Variants in DACH2 observed in about 807,000 individuals in gnomAD.
DACH2 encodes the protein dachshund family transcription factor 2.
Under a neutral mutation model 35.8 loss-of-function variants are expected in DACH2, and 17 were observed. The ratio of observed to expected loss-of-function variants is 0.48; its 90% confidence interval spans 0.33 to 0.71. The LOEUF (loss-of-function observed/expected upper bound fraction) is 0.71, where lower values mean the gene tolerates loss of function less well. Ranked by LOEUF, DACH2 falls within the 30% of genes least tolerant of loss-of-function variation. The pLI is 0.02. For synonymous variants in DACH2, 195 were observed against 177.3 expected (o/e 1.10, Z -0.79); for missense variants, 469 against 472.7 (o/e 0.99, Z 0.07).
chrX:86,814,338 A>G (rs745339382), intron 9 of DACH2, among the ~76,000 whole-genome samples: 3 of 112,269 alleles, frequency 2.7e-5, no homozygotes, highest in African/African-American at 6.5e-5. Context: ...ATTTTTCTTA[A>G]GAGGATTACA....
intron 2 of DACH2, among the ~76,000 whole-genome samples, chrX:86,389,133 A>T (rs1467801361): frequency 8.9e-6 from 1 of 111,958 alleles, no homozygotes; most frequent in Non-Finnish European, 1.9e-5. Context: ...ATCAACTGGT[A>T]CTTTCATTTA....
At chrX:86,563,987 C>T (rs936837178) in intron 3 of DACH2, among the ~76,000 whole-genome samples, 1 of 110,723 alleles carries the variant, frequency 9.0e-6, no homozygotes, top group Non-Finnish European at 1.9e-5. Flanking sequence ...AAAATTTTCT[C>T]ACTTAACCCT....
chrX:86,245,768 A>G lies in DACH2; in HGVS notation c.488+96660A>G, dbSNP rs371168320. On this transcript the variant is annotated intron_variant, in intron 1 of 11. Transcript: ENST00000373125. Reference sequence around the variant, plus strand: ...ATGAACTCTGGCAGTTCTATAAGCCAGAATATCTTGCCTCCAAGCAACCAC... The same window carrying G: ...ATGAACTCTGGCAGTTCTATAAGCCGGAATATCTTGCCTCCAAGCAACCAC... Among the ~76,000 whole-genome samples the G allele has an allele frequency of 1.2e-4, 14 of 112,255 alleles. No homozygotes were observed. In the East Asian group the frequency reaches 3.4e-3, roughly 27 times the overall value.
intron 11 of DACH2, chrX:86,827,657 A>T (rs1473489963): frequency 1.1e-5 from 7 of 636,619 alleles, no homozygotes; most frequent in Non-Finnish European, 1.8e-5. Context: ...TAGCACAGCG[A>T]AATACTATAA....
chrX:86,725,817 T>C (rs1471083132), intron 6 of DACH2, among the ~76,000 whole-genome samples: 3 of 111,390 alleles, frequency 2.7e-5, no homozygotes, highest in Non-Finnish European at 3.8e-5. Flanking sequence ...TGGAGGCTAG[T>C]TCCCCTGGCC....
intron 5 of DACH2, among the ~76,000 whole-genome samples, chrX:86,700,290 G>T (rs1280549814): frequency 9.0e-6 from 1 of 111,048 alleles, no homozygotes; most frequent in East Asian, 2.8e-4. Context: ...TCAAGTGTGA[G>T]TTCAGGTCTT....
rs1049758509 is a variant in DACH2, at chrX:86,437,634, T to C, written c.527+60772T>C. ...GGCATGATTTCATTTTTAATGCTGATAATATTCCATTGTGTATATATACCA... is the reference window on the plus strand; with the variant it reads ...GGCATGATTTCATTTTTAATGCTGACAATATTCCATTGTGTATATATACCA... On this transcript the variant is annotated intron_variant, in intron 2 of 11. Coordinates refer to ENST00000373125, the MANE Select transcript of DACH2 (RefSeq NM_053281.3). Among the ~76,000 whole-genome samples the C allele has an allele frequency of 2.7e-5, 3 of 111,741 alleles. No homozygotes were observed. The East Asian group carries it at 8.4e-4, about 31-fold the overall frequency.
At chrX:86,270,023 T>TTATATATA (rs201548278) in intron 1 of DACH2, among the ~76,000 whole-genome samples, 2 of 97,727 alleles carry the variant, frequency 2.0e-5, no homozygotes, top group East Asian at 6.3e-4. Flanking sequence ...TATATATATA[T>TTATATATA]TATATATATA....
In DACH2 at chrX:86,515,119, G is replaced by A. The variant is rs181837917; in HGVS notation, c.640+728G>A. ...ATGATATCTTTATACATAATGATAC[G>A]AACATTTATAAAGCATCTGTTGTGT... On this transcript the variant is annotated intron_variant, in intron 3 of 11. Coordinates refer to ENST00000373125, the MANE Select transcript of DACH2 (RefSeq NM_053281.3). 1.3e-3 allele frequency among the ~76,000 whole-genome samples: 146 copies of A among 110,750 alleles called. 1 individual carries two copies. The highest frequency in any genetic ancestry group is 1.2e-3 in the South Asian group (3 of 2,592).
At chrX:86,783,761 C>T (rs868636379) in intron 7 of DACH2, among the ~76,000 whole-genome samples, 12 of 111,369 alleles carry the variant, frequency 1.1e-4, no homozygotes, top group Non-Finnish European at 3.8e-5. Context: ...CATATTCTCA[C>T]TTATTTTGGG....
chrX:86,587,585 T>G (rs2039590548), intron 3 of DACH2, among the ~76,000 whole-genome samples: 2 of 111,393 alleles, frequency 1.8e-5, no homozygotes, highest in African/African-American at 6.5e-5. Context: ...GTATGTTTCT[T>G]CAATGCATAG....
At chrX:86,285,964 A>T (rs890571515) in intron 1 of DACH2, among the ~76,000 whole-genome samples, 2 of 98,973 alleles carry the variant, frequency 2.0e-5, no homozygotes, top group Admixed American at 1.2e-4. Context: ...TTTTTCTGAT[A>T]TAAATGTAGG....
intron 3 of DACH2, among the ~76,000 whole-genome samples, chrX:86,524,224 G>A (rs2038598675): frequency 8.9e-6 from 1 of 112,043 alleles, no homozygotes; most frequent in Non-Finnish European, 1.9e-5. Context: ...TAAGGAGATG[G>A]GAAAAAGCTG....
At chrX:86,357,327 T>A (rs1196183406) in intron 1 of DACH2, among the ~76,000 whole-genome samples, 2 of 112,217 alleles carry the variant, frequency 1.8e-5, no homozygotes, top group Non-Finnish European at 3.8e-5. Context: ...GCATAATACA[T>A]AGGATTACAA....
intron 5 of DACH2, among the ~76,000 whole-genome samples, chrX:86,702,935 T>A (rs1477210040): frequency 9.0e-6 from 1 of 111,141 alleles, no homozygotes; most frequent in Non-Finnish European, 1.9e-5. Flanking sequence ...AGTATCACCT[T>A]GTTACCCAAG....
At chrX:86,189,830 G>C (rs909121811) in intron 1 of DACH2, among the ~76,000 whole-genome samples, 1 of 110,819 alleles carries the variant, frequency 9.0e-6, no homozygotes, top group Non-Finnish European at 1.9e-5. Flanking sequence ...TTTTGAGCTT[G>C]TTAATAGTGT....
chrX:86,346,909 G>A (rs1210995191), intron 1 of DACH2, among the ~76,000 whole-genome samples: 1 of 111,430 alleles, frequency 9.0e-6, no homozygotes. Context: ...ACTTTTATTT[G>A]TTTTATTTTA....
intron 2 of DACH2, among the ~76,000 whole-genome samples, chrX:86,441,895 A>G (rs1489303754): frequency 1.9e-5 from 2 of 105,744 alleles, no homozygotes; most frequent in Non-Finnish European, 3.9e-5. Flanking sequence ...ATATGTATAT[A>G]TATTAGTGAC....
At chrX:86,805,250 G>T (rs1003166068) in intron 7 of DACH2, among the ~76,000 whole-genome samples, 6 of 112,715 alleles carry the variant, frequency 5.3e-5, no homozygotes, top group Non-Finnish European at 1.1e-4. Context: ...ACATGAAAGC[G>T]GCCAAGGCTT....
Sources: allele counts gnomAD v4.1 joint callset (sites outside exome capture counted in the v4.1 genomes callset), GRCh38; gene constraint gnomAD v4.1.1; transcripts MANE v1.5; gene names NCBI Gene and HGNC (gene_info 2026-07-23, HGNC 2026-07-21).